Variants in DNAH14 observed in about 807,000 individuals in gnomAD.
DNAH14 encodes the protein axonemal beta dynein heavy chain 14.
Under a neutral mutation model 520.9 loss-of-function variants are expected in DNAH14, and 478 were observed. The ratio of observed to expected loss-of-function variants is 0.92; its 90% CI spans 0.85 to 0.99. The LOEUF is 0.99. Ranked by LOEUF, DNAH14 falls within the 50% of genes least tolerant of loss-of-function variation. The pLI is 0.00. For synonymous variants in DNAH14, 1,581 were observed against 1,757.2 expected (o/e 0.90, Z 2.51); for missense variants, 4,831 against 5,234.5 (o/e 0.92, Z 2.38).
At chr1:225,336,100 T>C (rs1223491617) in intron 66 of DNAH14, among the ~76,000 whole-genome samples, 1 of 149,076 alleles carries the variant, frequency 6.7e-6, no homozygotes, top group African/African-American at 2.5e-5. Context: ...TGCTTATACA[T>C]ATATGTATAA....
intron 66 of DNAH14, 50 bp downstream of exon 66, chr1:225,333,556 G>T: frequency 6.8e-7 from 1 of 1,468,022 alleles, no homozygotes; most frequent in Non-Finnish European, 9.2e-7. Context: ...TTGTTTATTT[G>T]GATTTTAGCT....
chr1:225,301,077 G>A (rs1310935648), intron 56 of DNAH14, 47 bp downstream of exon 56: 1 of 1,498,288 alleles, frequency 6.7e-7, no homozygotes. Flanking sequence ...GTTAAAAGTA[G>A]ACCGTGTTTA....
rs567335151 is a variant in DNAH14 at position 225,243,821 on chromosome 1, A to G, written c.6748+2999A>G. 3.9e-4 allele frequency among the ~76,000 whole-genome samples: 60 copies of G among 152,008 alleles called. No individual in the cohort carries two copies. The South Asian group carries it at 0.011, about 29-fold the overall frequency. ...GGACAATTTGACATCTTCTCTTCCT[A>G]TCTTCATACCCTTTATTTCTTTCTC... is the stretch of plus-strand genomic sequence containing the variant. On this transcript the variant is annotated intron_variant, in intron 43 of 85. Transcript: ENST00000682510.
chr1:225,233,392 C>T (rs1260394188), intron 42 of DNAH14, among the ~76,000 whole-genome samples: 4 of 152,184 alleles, frequency 2.6e-5, no homozygotes, highest in African/African-American at 4.8e-5. Flanking sequence ...CACAGTCTTC[C>T]ACAATGGTTG....
chr1:225,284,347 A>T (rs2093690662), intron 54 of DNAH14, among the ~76,000 whole-genome samples: 1 of 152,162 alleles, frequency 6.6e-6, no homozygotes, highest in Non-Finnish European at 1.5e-5. Context: ...AATTAAAAAA[A>T]GATTATAAGA....
At chr1:225,372,651 G>A (rs1215049578) in intron 77 of DNAH14, among the ~76,000 whole-genome samples, 3 of 152,096 alleles carry the variant, frequency 2.0e-5, no homozygotes, top group Non-Finnish European at 4.4e-5. Flanking sequence ...TACAATCTTG[G>A]AGTTGGGAAC....
intron 31 of DNAH14, among the ~76,000 whole-genome samples, chr1:225,148,919 C>T (rs1417932718): frequency 6.6e-6 from 1 of 151,960 alleles, no homozygotes; most frequent in African/African-American, 2.4e-5. Context: ...TTGATAGTTT[C>T]TTTTGCTTTG....
intron 58 of DNAH14, among the ~76,000 whole-genome samples, chr1:225,306,516 T>A (rs685029): frequency 1.7e-4 from 26 of 151,936 alleles, no homozygotes; most frequent in South Asian, 1.0e-3. Context: ...GTTTAATGAA[T>A]CTTCCTCTCA....
At chr1:225,172,495 A>C (rs1431916345) in intron 36 of DNAH14, among the ~76,000 whole-genome samples, 1 of 152,220 alleles carries the variant, frequency 6.6e-6, no homozygotes, top group Admixed American at 6.5e-5. Context: ...CCAAATCATG[A>C]GTGAACTCCC....
At chr1:225,309,817 T>G (rs938918977) in intron 60 of DNAH14, among the ~76,000 whole-genome samples, 1 of 151,860 alleles carries the variant, frequency 6.6e-6, no homozygotes, top group East Asian at 1.9e-4. Context: ...CACTTGAACC[T>G]AGGAGGCGGA....
chr1:225,278,897 C>T (rs1253007591), intron 54 of DNAH14, among the ~76,000 whole-genome samples: 1 of 152,180 alleles, frequency 6.6e-6, no homozygotes, highest in Non-Finnish European at 1.5e-5. Context: ...AACCTATCTT[C>T]CCTCTCAGAG....
At chr1:225,274,729 C>G (rs1214396423) in intron 52 of DNAH14, among the ~76,000 whole-genome samples, 1 of 152,188 alleles carries the variant, frequency 6.6e-6, no homozygotes, top group African/African-American at 2.4e-5. Context: ...GGGTCCTGCC[C>G]TAGCAGGGGT....
chr1:225,106,773 C>T (rs1208376207), intron 23 of DNAH14, among the ~76,000 whole-genome samples: 1 of 152,086 alleles, frequency 6.6e-6, no homozygotes, highest in Non-Finnish European at 1.5e-5. Flanking sequence ...TTCTAGTTAG[C>T]CATTCATCTA....
intron 41 of DNAH14, among the ~76,000 whole-genome samples, chr1:225,218,167 T>C (rs1248717371): frequency 6.6e-6 from 1 of 152,036 alleles, no homozygotes; most frequent in Admixed American, 6.6e-5. Context: ...GCACTAAATA[T>C]GGAAAGGGAA....
chr1:225,315,812 C>T (rs1344976465), intron 60 of DNAH14, among the ~76,000 whole-genome samples: 1 of 152,230 alleles, frequency 6.6e-6, no homozygotes, highest in Non-Finnish European at 1.5e-5. Flanking sequence ...CTGGAAGCTT[C>T]ATCCAAGAGG....
chr1:225,015,327 T>C (rs552298272), intron 10 of DNAH14, among the ~76,000 whole-genome samples: 1 of 152,342 alleles, frequency 6.6e-6, no homozygotes, highest in South Asian at 2.1e-4. Context: ...CTTACTCCTG[T>C]AATTTTAGAT....
At chr1:225,189,426 T>A (rs1450375594) in intron 37 of DNAH14, among the ~76,000 whole-genome samples, 1 of 150,956 alleles carries the variant, frequency 6.6e-6, no homozygotes, top group Non-Finnish European at 1.5e-5. Flanking sequence ...TTTTTTTTTT[T>A]ACAAGAGTTT....
Position 225,310,556 on chromosome 1 carries a change from G to A in DNAH14, c.9240+2146G>A, listed in dbSNP as rs1198628942. 5.9e-5 allele frequency among the ~76,000 whole-genome samples: 9 copies of A among 152,016 alleles called. No homozygotes were observed. In the East Asian group the frequency reaches 9.6e-4, roughly 16 times the overall value. On this transcript the variant is annotated intron_variant, in intron 60 of 85. Coordinates refer to ENST00000682510, the MANE Select transcript of DNAH14 (RefSeq NM_001367479.1). ...GGTAGTTTGCTGCACCCATTAACCC[G>A]TCATCCACATTATGCATTTCTCCTA... is the stretch of plus-strand genomic sequence containing the variant.
At chr1:225,249,842 G>T (rs1028370384) in intron 43 of DNAH14, among the ~76,000 whole-genome samples, 4 of 152,096 alleles carry the variant, frequency 2.6e-5, no homozygotes, top group Non-Finnish European at 4.4e-5. Flanking sequence ...TACCATATAT[G>T]GTCTGTTGGG....
Sources: allele counts gnomAD v4.1 joint callset (sites outside exome capture counted in the v4.1 genomes callset), GRCh38; gene constraint gnomAD v4.1.1; transcripts MANE v1.5; gene names NCBI Gene and HGNC (gene_info 2026-07-23, HGNC 2026-07-21).